The following ROBO2 variants were observed in gnomAD, a reference collection of about 807,000 sequenced individuals.
ROBO2 encodes the protein roundabout homolog 2.
A neutral mutation model predicts 160.8 loss-of-function variants in ROBO2; 53 were observed. The observed-to-expected ratio is 0.33, with a 90% CI of 0.26 to 0.41. The LOEUF (loss-of-function observed/expected upper bound fraction) is 0.41, where lower values mean the gene tolerates loss of function less well. Among genes scored for constraint, ROBO2 ranks in the 10% least tolerant of loss-of-function variants. The pLI, the probability that ROBO2 is intolerant of heterozygous loss-of-function variation, is 1.00. For synonymous variants in ROBO2, 664 were observed against 611.7 expected, an observed-to-expected ratio of 1.09 and a Z score of -1.26; for missense variants, 1,577 against 1,722.4, an observed-to-expected ratio of 0.92 and a Z score of 1.49.
chr3:77,180,201 G>A (rs1049452955), intron 2 of ROBO2, among the ~76,000 whole-genome samples: 12 of 151,730 alleles, frequency 7.9e-5, no homozygotes, highest in African/African-American at 2.7e-4. Flanking sequence ...AAATAGAACA[G>A]GGAAGCACAT....
intron 2 of ROBO2, among the ~76,000 whole-genome samples, chr3:76,938,362 C>CA (rs202230790): frequency 1.3e-5 from 2 of 149,652 alleles, no homozygotes; most frequent in African/African-American, 5.0e-5. Flanking sequence ...CCCACCTACC[C>CA]CCCCCAAAAA....
chr3:76,603,842 G>T (rs1406322352), intron 2 of ROBO2, among the ~76,000 whole-genome samples: 1 of 152,042 alleles, frequency 6.6e-6, no homozygotes, highest in East Asian at 1.9e-4. Context: ...TGTTAAATAT[G>T]AATTTGCTTG....
At chr3:76,646,770 A>G (rs1034155312) in intron 2 of ROBO2, among the ~76,000 whole-genome samples, 38 of 152,338 alleles carry the variant, frequency 2.5e-4, no homozygotes, top group African/African-American at 7.0e-4. Context: ...CTAAGGCACC[A>G]AACAGGATGC....
In ROBO2 at chr3:77,317,176, G is replaced by T. The variant is rs1433666921; in HGVS notation, c.389-160238G>T. 8 of 928,146 alleles carry T rather than the reference G, an allele frequency of 8.6e-6. No homozygotes were observed. In the Admixed American group the frequency reaches 1.4e-4, roughly 16 times the overall value. 57.5% of individuals were successfully genotyped at this position (928,146 alleles called of 1,614,324 possible). On this transcript the variant is annotated intron_variant, in intron 2 of 25. Transcript: ENST00000461745. ...ACCCAGCCAGCCAGCCCTGTAACCC[G>T]GCACTAGAGCACCCCGGATGGAAGG...
At chr3:76,809,374 G>C (rs1463201103) in intron 2 of ROBO2, among the ~76,000 whole-genome samples, 1 of 152,156 alleles carries the variant, frequency 6.6e-6, no homozygotes, top group African/African-American at 2.4e-5. Flanking sequence ...TCCACTGATA[G>C]GTGGTGCTCC....
At chr3:76,853,272 A>G (rs2069616121) in intron 2 of ROBO2, among the ~76,000 whole-genome samples, 1 of 152,130 alleles carries the variant, frequency 6.6e-6, no homozygotes, top group South Asian at 2.1e-4. Flanking sequence ...ATAGTTGGTA[A>G]GATTGCCACT....
intron 5 of ROBO2, among the ~76,000 whole-genome samples, chr3:77,512,271 A>G (rs1377640722): frequency 1.3e-5 from 2 of 151,988 alleles, no homozygotes; most frequent in African/African-American, 4.8e-5. Context: ...TAGGAGTTTC[A>G]AGTGTTGCCT....
intron 2 of ROBO2, among the ~76,000 whole-genome samples, chr3:77,214,322 C>A (rs1580057173): frequency 2.0e-5 from 3 of 152,150 alleles, no homozygotes; most frequent in African/African-American, 7.2e-5. Context: ...TGATCCCTTT[C>A]CCATTATGTA....
chr3:75,988,257 C>T (rs887247793), intron 2 of ROBO2, among the ~76,000 whole-genome samples: 1 of 151,950 alleles, frequency 6.6e-6, no homozygotes, highest in Non-Finnish European at 1.5e-5. Flanking sequence ...ATTTAGTCTT[C>T]GTATGTTGCA....
intron 2 of ROBO2, among the ~76,000 whole-genome samples, chr3:76,097,882 C>T (rs918270484): frequency 6.6e-6 from 1 of 152,150 alleles, no homozygotes; most frequent in Non-Finnish European, 1.5e-5. Flanking sequence ...AAAAATGTGA[C>T]ATCTTTATTT....
intron 13 of ROBO2, among the ~76,000 whole-genome samples, chr3:77,572,130 A>T (rs1331049612): frequency 6.6e-6 from 1 of 151,768 alleles, no homozygotes; most frequent in African/African-American, 2.4e-5. Flanking sequence ...CTTCATCTGG[A>T]AACAGCTGCT....
intron 2 of ROBO2, among the ~76,000 whole-genome samples, chr3:76,802,675 C>T (rs1317628902): frequency 5.3e-5 from 8 of 150,262 alleles, no homozygotes; most frequent in African/African-American, 1.7e-4. Flanking sequence ...TTGCAGTGAG[C>T]CAAGATGGCG....
intron 2 of ROBO2, among the ~76,000 whole-genome samples, chr3:77,410,409 C>T (rs924576290): frequency 6.6e-6 from 1 of 152,106 alleles, no homozygotes; most frequent in African/African-American, 2.4e-5. Context: ...GGCTGACTCA[C>T]AGAGATGCTG....
At chr3:77,079,774 C>G (rs141532355) in intron 1 of ROBO2, among the ~76,000 whole-genome samples, 134 of 152,296 alleles carry the variant, frequency 8.8e-4, no homozygotes, top group African/African-American at 3.2e-3. Flanking sequence ...CACAGTGGAA[C>G]TTCTGTGAAA....
chr3:76,242,007 G>A (rs1037476696), intron 2 of ROBO2, among the ~76,000 whole-genome samples: 1 of 152,100 alleles, frequency 6.6e-6, no homozygotes, highest in Non-Finnish European at 1.5e-5. Context: ...AGAAAGCAAG[G>A]AAAGTGCTGA....
At chr3:77,553,124 A>G (rs2092979734) in intron 8 of ROBO2, among the ~76,000 whole-genome samples, 1 of 151,942 alleles carries the variant, frequency 6.6e-6, no homozygotes, top group Admixed American at 6.6e-5. Context: ...ATGTGCTCAC[A>G]TTGTGCCTCT....
intron 2 of ROBO2, among the ~76,000 whole-genome samples, chr3:76,241,479 T>C (rs1705282737): frequency 6.6e-6 from 1 of 152,238 alleles, no homozygotes. Context: ...GTGGAGCTTA[T>C]ATACTTGTAT....
chr3:76,948,892 ATATATATATATATATATTTTTT>A (rs1438677623), intron 2 of ROBO2, among the ~76,000 whole-genome samples: 10 of 25,876 alleles, frequency 3.9e-4, no homozygotes, highest in African/African-American at 1.1e-3. Context: ...ATATATATAT[ATATATATATATATATATTTTTT>A]TTTTTTTTTT....
intron 2 of ROBO2, among the ~76,000 whole-genome samples, chr3:76,139,193 A>G (rs1403272334): frequency 2.6e-5 from 4 of 152,236 alleles, no homozygotes; most frequent in African/African-American, 9.6e-5. Flanking sequence ...ATTCCTTTAG[A>G]TATCATCATT....
Sources: allele counts gnomAD v4.1 joint callset (sites outside exome capture counted in the v4.1 genomes callset), GRCh38; gene constraint gnomAD v4.1.1; transcripts MANE v1.5; gene names NCBI Gene and HGNC (gene_info 2026-07-23, HGNC 2026-07-21).